The following PARD3B variants were observed in gnomAD, a reference collection of about 807,000 sequenced individuals.
The protein encoded by PARD3B is partitioning defective 3 homolog B.
PARD3B carries 103 observed loss-of-function variants against 130.2 expected under a neutral mutation model. The observed-to-expected ratio is 0.79, with a 90% CI of 0.67 to 0.93. PARD3B has a LOEUF of 0.93. Ranked by LOEUF, PARD3B falls within the 40% of genes least tolerant of loss-of-function variation. The pLI is 0.00. For synonymous variants in PARD3B, 583 were observed against 553.2 expected, an observed-to-expected ratio of 1.05 and a Z score of -0.76; for missense variants, 1,609 against 1,499.2, an observed-to-expected ratio of 1.07 and a Z score of -1.21.
chr2:205,093,781 A>G (rs1159247070), intron 4 of PARD3B, among the ~76,000 whole-genome samples: 1 of 152,172 alleles, frequency 6.6e-6, no homozygotes, highest in African/African-American at 2.4e-5. Flanking sequence ...AGTTTAAAAC[A>G]TTTGTATTTA....
intron 1 of PARD3B, among the ~76,000 whole-genome samples, chr2:204,569,988 G>T (rs908866651): frequency 2.0e-5 from 3 of 152,078 alleles, no homozygotes; most frequent in Admixed American, 2.0e-4. Flanking sequence ...CTGAGATTTT[G>T]TAAGTGTGTG....
chr2:205,071,835 TG>T (rs1261969301), intron 4 of PARD3B, among the ~76,000 whole-genome samples: 1 of 152,166 alleles, frequency 6.6e-6, no homozygotes, highest in African/African-American at 2.4e-5. Context: ...TCTCTCTAAT[TG>T]TTGGTACTCT....
chr2:204,674,167 T>C (rs1252440429), intron 1 of PARD3B, among the ~76,000 whole-genome samples: 4 of 152,218 alleles, frequency 2.6e-5, no homozygotes, highest in Admixed American at 2.6e-4. Flanking sequence ...GCTTATGTTC[T>C]AGTTGGGGCA....
At chr2:205,318,459 A>G (rs183310996) in intron 18 of PARD3B, among the ~76,000 whole-genome samples, 10 of 152,292 alleles carry the variant, frequency 6.6e-5, no homozygotes, top group Admixed American at 5.2e-4. Context: ...TATGACGACT[A>G]TCGCACTTTT....
chr2:205,208,362 T>C (rs1574393788), intron 15 of PARD3B, among the ~76,000 whole-genome samples: 1 of 125,742 alleles, frequency 8.0e-6, no homozygotes, highest in Non-Finnish European at 1.6e-5. Context: ...TTGGAAGTTC[T>C]GGCCAGGGCA....
At chr2:205,182,669 A>G (rs1386075580) in intron 13 of PARD3B, among the ~76,000 whole-genome samples, 1 of 152,220 alleles carries the variant, frequency 6.6e-6, no homozygotes, top group Admixed American at 6.5e-5. Flanking sequence ...GAATTACTTT[A>G]CATAATATTA....
rs567642110 is a variant in PARD3B at position 205,254,858 on chromosome 2, G to A, written c.2185+9036G>A. ...TTTTTGTATTTTTAGTAGAGACGGGGTTTCACCATGTTGGTCAGGATGGTC... is the reference window on the plus strand; with the variant it reads ...TTTTTGTATTTTTAGTAGAGACGGGATTTCACCATGTTGGTCAGGATGGTC... On this transcript the variant is annotated intron_variant, in intron 16 of 22. Coordinates refer to ENST00000406610, the MANE Select transcript of PARD3B (RefSeq NM_001302769.2). 7.4e-3 allele frequency among the ~76,000 whole-genome samples: 1,119 copies of A among 151,514 alleles called. 18 individuals carry two copies. Among genetic ancestry groups the A allele is most frequent in the African/African-American group, 0.025 (1,052 of 41,300 alleles).
chr2:204,838,543 T>C (rs937378960), intron 2 of PARD3B, among the ~76,000 whole-genome samples: 2 of 152,152 alleles, frequency 1.3e-5, no homozygotes, highest in Non-Finnish European at 2.9e-5. Flanking sequence ...AATAAAATTT[T>C]TCTTTCAAAG....
chr2:204,686,025 T>C (rs948932144), intron 1 of PARD3B, among the ~76,000 whole-genome samples, 156 bp from the exon 2 acceptor site: 1 of 152,208 alleles, frequency 6.6e-6, no homozygotes, highest in Non-Finnish European at 1.5e-5. Flanking sequence ...GCCAAGTATT[T>C]TTTTCCAAAT....
At chr2:205,534,319 T>A (rs920764898) in intron 21 of PARD3B, among the ~76,000 whole-genome samples, 1 of 152,122 alleles carries the variant, frequency 6.6e-6, no homozygotes. Context: ...TGGGCAAGCA[T>A]GCTGTTTTCT....
chr2:205,040,849 G>A (rs988081174), intron 3 of PARD3B, among the ~76,000 whole-genome samples: 4 of 151,792 alleles, frequency 2.6e-5, no homozygotes, highest in African/African-American at 9.7e-5. Context: ...AACTGTTTTG[G>A]TAGCACCAAA....
At chr2:205,089,385 G>T (rs937208166) in intron 4 of PARD3B, among the ~76,000 whole-genome samples, 1 of 151,928 alleles carries the variant, frequency 6.6e-6, no homozygotes, top group Non-Finnish European at 1.5e-5. Flanking sequence ...TGGCCAGGCT[G>T]GTCTTGAACT....
At chr2:205,295,038 T>C (rs773102026) in intron 16 of PARD3B, among the ~76,000 whole-genome samples, 1 of 152,102 alleles carries the variant, frequency 6.6e-6, no homozygotes, top group African/African-American at 2.4e-5. Flanking sequence ...TGCAATGATA[T>C]CAAGTAAAGC....
chr2:205,117,297 A>C (rs1434623035), intron 6 of PARD3B, among the ~76,000 whole-genome samples: 2 of 152,208 alleles, frequency 1.3e-5, no homozygotes, highest in Non-Finnish European at 2.9e-5. Flanking sequence ...GAACTAGGAA[A>C]TGAACCACAA....
chr2:205,455,692 T>C (rs2048250184), intron 20 of PARD3B, among the ~76,000 whole-genome samples: 1 of 152,064 alleles, frequency 6.6e-6, no homozygotes, highest in African/African-American at 2.4e-5. Context: ...TTGAAATTTT[T>C]CTAGAGTCAG....
intron 3 of PARD3B, among the ~76,000 whole-genome samples, chr2:205,046,328 G>A (rs1407252237): frequency 1.3e-5 from 2 of 151,806 alleles, no homozygotes; most frequent in Non-Finnish European, 2.9e-5. Context: ...AGTTGGTTAA[G>A]AAATGTTTGG....
At chr2:204,587,721 G>A (rs1228098182) in intron 1 of PARD3B, among the ~76,000 whole-genome samples, 2 of 152,106 alleles carry the variant, frequency 1.3e-5, no homozygotes, top group Non-Finnish European at 2.9e-5. Flanking sequence ...CCCCTGATAT[G>A]ATTTGGCTGT....
At chr2:205,079,655 C>A (rs1701283197) in intron 4 of PARD3B, among the ~76,000 whole-genome samples, 1 of 151,968 alleles carries the variant, frequency 6.6e-6, no homozygotes, top group South Asian at 2.1e-4. Flanking sequence ...GCACACAAAT[C>A]TTGAGGGAGA....
At chr2:205,032,103 A>T (rs1697468977) in intron 3 of PARD3B, among the ~76,000 whole-genome samples, 1 of 152,182 alleles carries the variant, frequency 6.6e-6, no homozygotes, top group South Asian at 2.1e-4. Context: ...GAAACACAGT[A>T]CAGTTTTGTA....
Sources: gnomAD v4.1 joint callset for allele counts (sites outside exome capture counted in the v4.1 genomes callset) on GRCh38, gnomAD v4.1.1 for gene constraint, MANE v1.5 for transcripts, NCBI Gene and HGNC (gene_info 2026-07-23, HGNC 2026-07-21) for gene names.